The following GLMN variants were observed in gnomAD, a reference collection of about 807,000 sequenced individuals.
GLMN encodes the protein glomulin.
In GLMN, 75 loss-of-function variants were observed where a neutral mutation model predicts 87.8. That is an observed-to-expected ratio of 0.85 (90% CI 0.71 to 1.04). GLMN has a LOEUF of 1.04. Ranked by LOEUF, GLMN falls within the 50% of genes least tolerant of loss-of-function variation. GLMN has a pLI of 0.00. For synonymous variants in GLMN, 206 were observed against 221.6 expected (o/e 0.93, Z 0.63); for missense variants, 588 against 658.8 (o/e 0.89, Z 1.18).
chr1:92,299,144 C>A, upstream of GLMN: 1 of 1,512,446 alleles, frequency 6.6e-7, no homozygotes, highest in Non-Finnish European at 8.9e-7. Flanking sequence ...CGAAAAGCCG[C>A]AGGTAGGAGC....
intron 13 of GLMN, among the ~76,000 whole-genome samples, chr1:92,265,149 C>A (rs914218176): frequency 6.6e-6 from 1 of 152,112 alleles, no homozygotes; most frequent in African/African-American, 2.4e-5. Context: ...CCGGTAAATA[C>A]TTATTTATAA....
intron 3 of GLMN, among the ~76,000 whole-genome samples, chr1:92,294,790 C>G (rs1352664214): frequency 6.6e-6 from 1 of 152,084 alleles, no homozygotes; most frequent in Non-Finnish European, 1.5e-5. Context: ...GCAATCCCCC[C>G]ATCTCAGTCT....
chr1:92,308,777 T>C, the GLMN span, among the ~76,000 whole-genome samples: 1 of 152,146 alleles, frequency 6.6e-6, no homozygotes, highest in Middle Eastern at 3.2e-3. Flanking sequence ...TTAGCCAATA[T>C]GGTGATACCC....
intron 7 of GLMN, among the ~76,000 whole-genome samples, chr1:92,276,724 T>G: frequency 6.6e-6 from 1 of 152,302 alleles, no homozygotes; most frequent in East Asian, 1.9e-4. Flanking sequence ...GGTGGTTATT[T>G]GTTTTTTTAA....
chr1:92,298,375 T>C (rs893638185), intron 1 of GLMN, among the ~76,000 whole-genome samples: 3 of 152,038 alleles, frequency 2.0e-5, no homozygotes, highest in African/African-American at 7.2e-5. Flanking sequence ...ATATACGAAC[T>C]AAAGGGCTTT....
At chr1:92,337,863 T>C in the GLMN span, among the ~76,000 whole-genome samples, 1 of 152,182 alleles carries the variant, frequency 6.6e-6, no homozygotes, top group Non-Finnish European at 1.5e-5. Flanking sequence ...TTGTGACTAC[T>C]AGTAGGTAAT....
At chr1:92,315,353 C>G in the GLMN span, among the ~76,000 whole-genome samples, 43 of 152,228 alleles carry the variant, frequency 2.8e-4, no homozygotes, top group African/African-American at 9.6e-4. Flanking sequence ...ACAACAGTAA[C>G]ATCAAAAATT....
At chr1:92,323,494 T>A in the GLMN span, 1 of 1,613,334 alleles carries the variant, frequency 6.2e-7, no homozygotes, top group East Asian at 2.2e-5. Context: ...CATTAAAACA[T>A]CAGATATCGA....
At chr1:92,343,321 A>C in the GLMN span, among the ~76,000 whole-genome samples, 1 of 152,166 alleles carries the variant, frequency 6.6e-6, no homozygotes, top group African/African-American at 2.4e-5. Context: ...CCTCACAAGA[A>C]CCCTGTGAGG....
upstream of GLMN, chr1:92,300,353 AG>A: frequency 1.3e-6 from 1 of 792,494 alleles, no homozygotes; most frequent in Non-Finnish European, 2.1e-6. Flanking sequence ...TTATCATGAG[AG>A]GGAAGGGAAA....
the GLMN span, chr1:92,307,149 A>G: frequency 1.4e-6 from 2 of 1,403,402 alleles, no homozygotes; most frequent in Non-Finnish European, 2.0e-6. Context: ...GTAATGTTTC[A>G]TGATAAGAAA....
the GLMN span, among the ~76,000 whole-genome samples, chr1:92,358,829 C>T: frequency 9.2e-5 from 14 of 152,140 alleles, no homozygotes; most frequent in African/African-American, 3.1e-4. Context: ...CTTAAGTGAT[C>T]CCCAACCTTG....
At chr1:92,360,272 G>A in the GLMN span, among the ~76,000 whole-genome samples, 1 of 152,174 alleles carries the variant, frequency 6.6e-6, no homozygotes, top group East Asian at 1.9e-4. Context: ...AAGGACTAAG[G>A]ACTGTGGTCC....
Position 92,283,430 on chromosome 1 carries a change from T to C in GLMN, c.735+3060A>G, listed in dbSNP as rs146992597. ...GATAAAACTCAACAGCCCTTCATGC[T>C]AAAAACTCTCAATAAACTAGGTATT... is the stretch of plus-strand genomic sequence containing the variant. On this transcript the variant is annotated intron_variant, in intron 7 of 18. Transcript: ENST00000370360. 7.3e-3 allele frequency among the ~76,000 whole-genome samples: 1,106 copies of C among 152,322 alleles called. 9 individuals are homozygous for C. Among genetic ancestry groups the C allele is most frequent in the South Asian group, 0.015 (71 of 4,830 alleles).
upstream of GLMN, chr1:92,300,299 C>G: frequency 7.9e-7 from 1 of 1,271,144 alleles, no homozygotes; most frequent in South Asian, 1.3e-5. Flanking sequence ...TTACTTGTAC[C>G]AATTTTAAAA....
the GLMN span, among the ~76,000 whole-genome samples, chr1:92,320,322 G>T: frequency 6.6e-6 from 1 of 151,944 alleles, no homozygotes. Flanking sequence ...CGCCAGGCTG[G>T]AGTGCAGTGG....
the GLMN span, among the ~76,000 whole-genome samples, chr1:92,325,266 G>A: frequency 6.6e-6 from 1 of 152,036 alleles, no homozygotes; most frequent in East Asian, 1.9e-4. Flanking sequence ...AAGTAAATGT[G>A]GCTCTAAATT....
intron 7 of GLMN, among the ~76,000 whole-genome samples, chr1:92,279,066 G>A (rs1463851520): frequency 2.1e-5 from 3 of 144,100 alleles, no homozygotes; most frequent in Non-Finnish European, 4.5e-5. Flanking sequence ...ACAACCTAAT[G>A]ATCCAATCAC....
chr1:92,272,007 T>C (rs1656295648), intron 7 of GLMN, among the ~76,000 whole-genome samples: 2 of 152,158 alleles, frequency 1.3e-5, no homozygotes, highest in Admixed American at 6.5e-5. Context: ...TTTAAAGAAC[T>C]AAGCTGCCAT....
Sources: gnomAD v4.1 joint callset for allele counts (sites outside exome capture counted in the v4.1 genomes callset) on GRCh38, gnomAD v4.1.1 for gene constraint, MANE v1.5 for transcripts, NCBI Gene and HGNC (gene_info 2026-07-23, HGNC 2026-07-21) for gene names.